Variants in TIMM23 observed in about 807,000 individuals in gnomAD.
The protein encoded by TIMM23 is mitochondrial import inner membrane translocase subunit Tim23.
In TIMM23, 19 loss-of-function variants were observed where a neutral mutation model predicts 30.7. The ratio of observed to expected loss-of-function variants is 0.62; its 90% CI spans 0.43 to 0.91. The LOEUF is 0.91. Ranked by LOEUF, TIMM23 falls within the 40% of genes least tolerant of loss-of-function variation. TIMM23 has a pLI of 0.00. For synonymous variants in TIMM23, 78 were observed against 98.5 expected, an observed-to-expected ratio of 0.79 and a Z score of 1.23; for missense variants, 202 against 269.2, an observed-to-expected ratio of 0.75 and a Z score of 1.75.
chr10:45,976,686 CAT>C (rs1209896074), intron 2 of TIMM23, among the ~76,000 whole-genome samples: 7 of 151,988 alleles, frequency 4.6e-5, no homozygotes, highest in Non-Finnish European at 8.8e-5. Context: ...CCAAAGCTAA[CAT>C]AATTTAATGG....
intron 2 of TIMM23, among the ~76,000 whole-genome samples, chr10:45,979,968 A>C (rs1837796902): frequency 6.6e-6 from 1 of 152,044 alleles, no homozygotes; most frequent in African/African-American, 2.4e-5. Flanking sequence ...CTGCATTGCT[A>C]GGTGGGGCTT....
At chr10:45,973,025 T>A (rs1362864067) in intron 1 of TIMM23, among the ~76,000 whole-genome samples, 3 of 152,180 alleles carry the variant, frequency 2.0e-5, no homozygotes, top group African/African-American at 7.2e-5. Context: ...GTGGGCCGTG[T>A]GATTGACCCT....
Position 45,976,076 on chromosome 10 carries a change from T to A in TIMM23, c.165+564T>A, listed in dbSNP as rs1554913028. 5.9e-5 allele frequency among the ~76,000 whole-genome samples: 9 copies of A among 152,302 alleles called. 1 individual carries two copies. Among genetic ancestry groups the A allele is most frequent in the Admixed American group, 2.6e-4 (4 of 15,294 alleles). On this transcript the variant is annotated intron_variant, in intron 2 of 6. Transcript: ENST00000580018. ...AAAGCTCAGTTTACAATATCAGGGTTTTTTTGACTAAGCATCAAAAGTTTC... is the reference window on the plus strand; with the variant it reads ...AAAGCTCAGTTTACAATATCAGGGTATTTTTGACTAAGCATCAAAAGTTTC...
At chr10:45,973,794 C>T (rs1297009902) in intron 1 of TIMM23, among the ~76,000 whole-genome samples, 1 of 150,208 alleles carries the variant, frequency 6.7e-6, no homozygotes, top group Non-Finnish European at 1.5e-5. Flanking sequence ...TAGGTACGTA[C>T]CACCACGCCT....
intron 6 of TIMM23, chr10:45,998,445 T>C: frequency 1.1e-6 from 1 of 937,330 alleles, no homozygotes; most frequent in African/African-American, 1.8e-5. Flanking sequence ...AGATTGACCA[T>C]TGGCCTTATT....
At chr10:45,992,187 A>G (rs1838184538) in intron 6 of TIMM23, among the ~76,000 whole-genome samples, 1 of 152,092 alleles carries the variant, frequency 6.6e-6, no homozygotes, top group African/African-American at 2.4e-5. Context: ...TATGTTACCC[A>G]GGCTGGCCTC....
chr10:46,003,168 A>G (rs372402362), intron 6 of TIMM23, 35 bp from the exon 7 acceptor site: 3 of 1,514,956 alleles, frequency 2.0e-6, no homozygotes, highest in Non-Finnish European at 2.8e-6. Flanking sequence ...TGCAATATAC[A>G]GCTATTTCAT....
Position 46,003,392 on chromosome 10 carries a change from T to C in TIMM23, c.*74T>C. 3 of 1,012,820 alleles carry C rather than the reference T, an allele frequency of 3.0e-6. No homozygotes were observed. Among genetic ancestry groups the C allele is most frequent in the African/African-American group, 1.6e-5 (1 of 61,956 alleles). The allele number at this position is 1,012,820 out of a possible 1,614,324, so 62.7% of individuals were successfully genotyped here. ...CCTTTTATAAGACAGTTTGGAGTTA[T>C]TCTCTCTCTTCTACCTACAATTAGT... On this transcript the variant is annotated 3_prime_UTR_variant, in exon 7 of 7. Coordinates refer to ENST00000580018, the MANE Select transcript of TIMM23 (RefSeq NM_006327.4).
intron 2 of TIMM23, among the ~76,000 whole-genome samples, chr10:45,977,275 T>C (rs1191132806): frequency 2.7e-4 from 40 of 150,110 alleles, no homozygotes; most frequent in African/African-American, 9.8e-4. Context: ...GGACATAGAA[T>C]GGCCAATGAC....
chr10:45,999,297 T>C (rs1398563989), intron 6 of TIMM23, among the ~76,000 whole-genome samples: 1 of 152,172 alleles, frequency 6.6e-6, no homozygotes, highest in Admixed American at 6.5e-5. Context: ...CATGCCACCA[T>C]GCCTAGCTAA....
intron 6 of TIMM23, among the ~76,000 whole-genome samples, chr10:45,998,913 A>G (rs982613249): frequency 4.0e-5 from 6 of 150,126 alleles, no homozygotes; most frequent in African/African-American, 1.2e-4. Flanking sequence ...GCTCACTGCA[A>G]CCTCCACCCA....
chr10:45,988,716 G>A (rs1284787762), intron 5 of TIMM23, 21 bp from the exon 6 acceptor site: 2 of 1,612,278 alleles, frequency 1.2e-6, no homozygotes, highest in African/African-American at 1.3e-5. Context: ...TTGTCACTGA[G>A]CACTTCCATT....
chr10:45,975,304 C>G, intron 1 of TIMM23, 150 bp from the exon 2 acceptor site: 1 of 994,040 alleles, frequency 1.0e-6, no homozygotes, highest in South Asian at 1.4e-5. Flanking sequence ...CCCAAACTGA[C>G]AGATAGGGAG....
chr10:46,002,810 A>T (rs1046603027), intron 6 of TIMM23, among the ~76,000 whole-genome samples: 252 of 95,026 alleles, frequency 2.7e-3, no homozygotes, highest in African/African-American at 3.7e-3. Flanking sequence ...ATTTCATAGT[A>T]TTTTTTTTTT....
chr10:45,972,829 G>A (rs1404196982), intron 1 of TIMM23, 99 bp downstream of exon 1: 2 of 1,542,656 alleles, frequency 1.3e-6, no homozygotes, highest in East Asian at 2.4e-5. Context: ...TTTTTTCCTT[G>A]CTGGCATTTA....
At chr10:45,999,612 T>C (rs1590132855) in intron 6 of TIMM23, among the ~76,000 whole-genome samples, 1 of 152,096 alleles carries the variant, frequency 6.6e-6, no homozygotes, top group African/African-American at 2.4e-5. Flanking sequence ...ACAAGGCAAA[T>C]GGAGGCAGGG....
chr10:46,001,543 T>C (rs1205769779), intron 6 of TIMM23, among the ~76,000 whole-genome samples: 2 of 152,134 alleles, frequency 1.3e-5, no homozygotes, highest in Non-Finnish European at 2.9e-5. Context: ...AGGACGCTCG[T>C]TGCAGAAATG....
At chr10:45,973,904 C>T (rs1286048931) in intron 1 of TIMM23, among the ~76,000 whole-genome samples, 1 of 151,742 alleles carries the variant, frequency 6.6e-6, no homozygotes, top group African/African-American at 2.4e-5. Flanking sequence ...CCTCCTGTCT[C>T]GGCCTCCCAA....
At chr10:45,998,784 C>CT (rs1431051418) in intron 6 of TIMM23, among the ~76,000 whole-genome samples, 6 of 149,444 alleles carry the variant, frequency 4.0e-5, no homozygotes, top group Non-Finnish European at 7.4e-5. Flanking sequence ...AAATAGAAAG[C>CT]TTTTGGGGGA....
Sources: gnomAD v4.1 joint callset for allele counts (sites outside exome capture counted in the v4.1 genomes callset) on GRCh38, gnomAD v4.1.1 for gene constraint, MANE v1.5 for transcripts, NCBI Gene and HGNC (gene_info 2026-07-23, HGNC 2026-07-21) for gene names.